The following TFPI variants were observed in gnomAD, a reference collection of about 807,000 sequenced individuals.
TFPI encodes anti-convertin.
In TFPI, 15 loss-of-function variants were observed where a neutral mutation model predicts 34.6. The ratio of observed to expected loss-of-function variants is 0.43; its 90% CI spans 0.29 to 0.67. The LOEUF (loss-of-function observed/expected upper bound fraction) is 0.67. TFPI is among the 30% of genes least tolerant of loss of function. The pLI, the probability that TFPI is intolerant of heterozygous loss-of-function variation, is 0.15. For synonymous variants in TFPI, 105 were observed against 120.1 expected (o/e 0.87, Z 0.82); for missense variants, 301 against 364.0 (o/e 0.83, Z 1.41).
At chr2:187,494,604 G>A (rs964097864) in intron 3 of TFPI, among the ~76,000 whole-genome samples, 5 of 152,116 alleles carry the variant, frequency 3.3e-5, no homozygotes, top group South Asian at 2.1e-4. Context: ...CATGGCTGCC[G>A]ATTAAATTCT....
At chr2:187,505,302 C>T (rs767630154) in intron 1 of TFPI, among the ~76,000 whole-genome samples, 11 of 152,092 alleles carry the variant, frequency 7.2e-5, no homozygotes, top group Non-Finnish European at 1.3e-4. Context: ...AAGTTCCTGT[C>T]TTAAAAAATG....
intron 1 of TFPI, among the ~76,000 whole-genome samples, chr2:187,543,492 T>C (rs1170424418): frequency 6.6e-6 from 1 of 152,234 alleles, no homozygotes; most frequent in Non-Finnish European, 1.5e-5. Context: ...GAAAATACTT[T>C]AGGTCAATGA....
intron 3 of TFPI, among the ~76,000 whole-genome samples, chr2:187,496,583 G>A (rs1410960425): frequency 6.6e-6 from 1 of 152,060 alleles, no homozygotes; most frequent in Non-Finnish European, 1.5e-5. Flanking sequence ...AATGAAAAAT[G>A]ATAGTTGAAC....
chr2:187,489,514 C>T (rs984084193), intron 3 of TFPI, among the ~76,000 whole-genome samples: 1 of 151,306 alleles, frequency 6.6e-6, no homozygotes, highest in African/African-American at 2.4e-5. Flanking sequence ...TATAACCTGA[C>T]ATTAAAATAT....
chr2:187,499,414 G>A (rs951951954), intron 2 of TFPI: 2 of 151,830 alleles, frequency 1.3e-5, no homozygotes, highest in Non-Finnish European at 2.9e-5. Flanking sequence ...AGTTATAATT[G>A]TCAGTTTTAA....
chr2:187,547,203 T>C (rs934960569), intron 1 of TFPI: 1 of 149,780 alleles, frequency 6.7e-6, no homozygotes, highest in African/African-American at 2.5e-5. Context: ...TTATTATATT[T>C]AGGGGAAAAA....
intron 6 of TFPI, among the ~76,000 whole-genome samples, chr2:187,473,492 G>A (rs1692181321): frequency 6.6e-6 from 1 of 151,972 alleles, no homozygotes; most frequent in African/African-American, 2.4e-5. Context: ...TGTGGATATG[G>A]CCAGTTTTTC....
At chr2:187,551,258 A>G (rs1055666207) in intron 1 of TFPI, among the ~76,000 whole-genome samples, 1 of 152,140 alleles carries the variant, frequency 6.6e-6, no homozygotes, top group African/African-American at 2.4e-5. Context: ...GTTGTACTGC[A>G]GCATTGGAAC....
chr2:187,511,232 G>A (rs142793995), intron 1 of TFPI, among the ~76,000 whole-genome samples: 78 of 152,292 alleles, frequency 5.1e-4, no homozygotes, highest in African/African-American at 1.9e-3. Context: ...CTGGTCTTTG[G>A]AACTTGACCA....
chr2:187,466,774 A>G lies in TFPI; in HGVS notation c.*162T>C. The G allele has an allele frequency of 2.5e-6, 1 of 406,922 alleles. No individual in the cohort carries two copies. The allele number at this position is 406,922 out of a possible 1,614,324, so 25.2% of individuals were successfully genotyped here. A position where few individuals can be genotyped will look rare whatever the true frequency, so the allele number is the denominator to read the frequency against. ...AGAATAAGCAATTTAACAAGATTAG[A>G]AAAGCAACTCTGATACAAACGTGTT... On this transcript the variant is annotated 3_prime_UTR_variant, in exon 8 of 8. Coordinates refer to ENST00000233156, the MANE Select transcript of TFPI (RefSeq NM_006287.6).
Position 187,467,046 on chromosome 2 carries a change from T to C in TFPI, c.809-4A>G. 4.0e-6 allele frequency: 6 copies of C among 1,518,914 alleles called. No homozygotes were observed. The allele number at this position is 1,518,914 out of a possible 1,614,324, so 94.1% of individuals were successfully genotyped here. On this transcript the variant is annotated splice_region_variant and splice_polypyrimidine_tract_variant and intron_variant, in intron 7 of 7. Transcript: ENST00000233156. ...TTTGATATTCTTTGGATGAAACCTA[T>C]AAGAGGAAGAGGAATAAATTAATGT...
intron 1 of TFPI, among the ~76,000 whole-genome samples, chr2:187,529,814 A>T (rs1231416317): frequency 1.3e-5 from 2 of 152,226 alleles, no homozygotes; most frequent in Non-Finnish European, 2.9e-5. Flanking sequence ...TGTGCAATTC[A>T]ATTCTTTCCT....
chr2:187,504,941 C>G (rs1466188091), intron 1 of TFPI, among the ~76,000 whole-genome samples: 1 of 151,886 alleles, frequency 6.6e-6, no homozygotes, highest in African/African-American at 2.4e-5. Flanking sequence ...GATACATAAC[C>G]TTTTTTTCTC....
intron 6 of TFPI, among the ~76,000 whole-genome samples, chr2:187,469,890 A>G (rs1360313292): frequency 6.6e-6 from 1 of 152,226 alleles, no homozygotes; most frequent in East Asian, 1.9e-4. Flanking sequence ...GATTTGTACT[A>G]TTGTACACAC....
chr2:187,499,630 G>A (rs1685717779), intron 2 of TFPI: 2 of 151,656 alleles, frequency 1.3e-5, no homozygotes, highest in South Asian at 2.1e-4. Context: ...ATTACGTATC[G>A]TGAGTTTCTG....
intron 1 of TFPI, chr2:187,513,729 G>A (rs1686805152): frequency 6.6e-6 from 1 of 152,540 alleles, no homozygotes; most frequent in African/African-American, 2.4e-5. Flanking sequence ...TAGTCCCAGG[G>A]GAAAACCCTA....
intron 2 of TFPI, among the ~76,000 whole-genome samples, chr2:187,502,984 T>C (rs1685951962): frequency 1.3e-5 from 2 of 152,158 alleles, no homozygotes; most frequent in Non-Finnish European, 2.9e-5. Flanking sequence ...ATACCAATGC[T>C]TGAGATTTCT....
chr2:187,542,563 A>G (rs1317859961), intron 1 of TFPI, among the ~76,000 whole-genome samples: 1 of 152,182 alleles, frequency 6.6e-6, no homozygotes, highest in Non-Finnish European at 1.5e-5. Context: ...TGGAGCATTA[A>G]TAATTTAGCA....
intron 1 of TFPI, among the ~76,000 whole-genome samples, chr2:187,520,888 A>G (rs1366502209): frequency 1.3e-5 from 2 of 152,064 alleles, no homozygotes; most frequent in Non-Finnish European, 2.9e-5. Context: ...GAGAGCATTC[A>G]GTTGGCTCCT....
Sources: allele counts gnomAD v4.1 joint callset (sites outside exome capture counted in the v4.1 genomes callset), GRCh38; gene constraint gnomAD v4.1.1; transcripts MANE v1.5; gene names NCBI Gene and HGNC (gene_info 2026-07-23, HGNC 2026-07-21).